Variants in DMXL1 observed in about 807,000 individuals in gnomAD.
DMXL1 encodes the protein dmX-like protein 1.
Under a neutral mutation model 319.2 loss-of-function variants are expected in DMXL1, and 99 were observed. That is an observed-to-expected ratio of 0.31 (90% CI 0.26 to 0.37). The LOEUF (loss-of-function observed/expected upper bound fraction) is 0.37, where lower values mean the gene tolerates loss of function less well. DMXL1 is among the 10% of genes least tolerant of loss of function. The pLI, the probability that DMXL1 is intolerant of heterozygous loss-of-function variation, is 1.00. For missense variants in DMXL1, 3,745 were observed against 3,595.6 expected, an observed-to-expected ratio of 1.04 and a Z score of -1.06; for synonymous variants, 1,385 against 1,235.2, an observed-to-expected ratio of 1.12 and a Z score of -2.54.
At chr5:119,193,088 A>G (rs993721499) in intron 29 of DMXL1, among the ~76,000 whole-genome samples, 4 of 151,860 alleles carry the variant, frequency 2.6e-5, no homozygotes, top group Admixed American at 6.6e-5. Flanking sequence ...CTCCATTTCT[A>G]CCCTTGCCGT....
intron 28 of DMXL1, 37 bp from the exon 29 acceptor site, chr5:119,189,671 A>G (rs1376036920): frequency 6.3e-7 from 1 of 1,592,884 alleles, no homozygotes; most frequent in Non-Finnish European, 8.6e-7. Flanking sequence ...TGCAATGAAA[A>G]TAGTACTTCA....
intron 39 of DMXL1, 113 bp downstream of exon 39, chr5:119,233,580 C>G: frequency 1.3e-6 from 1 of 774,354 alleles, no homozygotes; most frequent in South Asian, 1.8e-5. Context: ...AAGTATTGAT[C>G]TATATAGATG....
At chr5:119,122,257 C>T (rs1294782158) in intron 9 of DMXL1, among the ~76,000 whole-genome samples, 26 of 142,268 alleles carry the variant, frequency 1.8e-4, no homozygotes, top group Admixed American at 1.5e-3. Flanking sequence ...GCTGGCTGGG[C>T]GGGGGGCCGA....
At chr5:119,202,399 A>G (rs1336809893) in intron 32 of DMXL1, among the ~76,000 whole-genome samples, 2 of 152,114 alleles carry the variant, frequency 1.3e-5, no homozygotes, top group Admixed American at 6.5e-5. Context: ...AATCCTCTCA[A>G]TTGCATATTG....
chr5:119,146,540 T>G (rs1245894609), intron 15 of DMXL1, among the ~76,000 whole-genome samples: 1 of 152,014 alleles, frequency 6.6e-6, no homozygotes, highest in Non-Finnish European at 1.5e-5. Flanking sequence ...AGTTCCTATC[T>G]GTTTAGAAAT....
chr5:119,150,884 A>C (rs999308848), intron 18 of DMXL1, among the ~76,000 whole-genome samples: 1 of 151,778 alleles, frequency 6.6e-6, no homozygotes, highest in African/African-American at 2.4e-5. Context: ...TATCATAAAC[A>C]GCAAACTCTT....
intron 5 of DMXL1, among the ~76,000 whole-genome samples, chr5:119,112,836 A>G (rs1759958041): frequency 6.6e-6 from 1 of 152,132 alleles, no homozygotes; most frequent in South Asian, 2.1e-4. Context: ...GCATGCCTGT[A>G]ATCCCAGCTA....
chr5:119,212,968 C>T (rs1013215968), intron 34 of DMXL1, among the ~76,000 whole-genome samples: 1 of 152,076 alleles, frequency 6.6e-6, no homozygotes, highest in African/African-American at 2.4e-5. Context: ...AATTCCCAAA[C>T]CTTCTTAAAC....
At chr5:119,207,228 TGAA>T (rs1781898572) in intron 34 of DMXL1, among the ~76,000 whole-genome samples, 1 of 152,134 alleles carries the variant, frequency 6.6e-6, no homozygotes, top group African/African-American at 2.4e-5. Context: ...ATATCACTTC[TGAA>T]GTTAAAATTC....
chr5:119,153,613 T>C (rs1770326827), intron 19 of DMXL1, among the ~76,000 whole-genome samples: 2 of 152,246 alleles, frequency 1.3e-5, no homozygotes, highest in Admixed American at 1.3e-4. Flanking sequence ...TACCGTTTAT[T>C]CTCTGTTTCT....
At chr5:119,211,413 G>T (rs1782785681) in intron 34 of DMXL1, among the ~76,000 whole-genome samples, 1 of 152,114 alleles carries the variant, frequency 6.6e-6, no homozygotes, top group Non-Finnish European at 1.5e-5. Flanking sequence ...GGCAATTCAG[G>T]TTTATCTATT....
At chr5:119,137,252 G>A (rs1452757800) in intron 13 of DMXL1, among the ~76,000 whole-genome samples, 1 of 152,198 alleles carries the variant, frequency 6.6e-6, no homozygotes, top group Non-Finnish European at 1.5e-5. Flanking sequence ...CTTTGTTTTG[G>A]CCAGTTTCTT....
Position 119,197,754 on chromosome 5 carries a change from GAGC to G in DMXL1, c.7544_7546del (p.Glu2515_Leu2516delinsVal). 1 of 1,613,490 alleles carries G rather than the reference GAGC, an allele frequency of 6.2e-7. No individual in the cohort carries two copies. ...AATATGAGTCAATGTTCCCATTTTAGAGCTTCCAGTTAGTTCACCTCTTTGTCA... is the reference window on the plus strand; with the variant it reads ...AATATGAGTCAATGTTCCCATTTTAGTTCCAGTTAGTTCACCTCTTTGTCA... On this transcript the variant is annotated inframe_deletion and splice_region_variant, in exon 32 of 44. Coordinates refer to ENST00000539542, the MANE Select transcript of DMXL1 (RefSeq NM_001290321.3).
chr5:119,164,375 A>C (rs751885397), intron 19 of DMXL1, 132 bp from the exon 20 acceptor site: 4 of 799,636 alleles, frequency 5.0e-6, no homozygotes, highest in Non-Finnish European at 7.5e-6. Context: ...AAAAAAGCCC[A>C]TATTTCCAAT....
Position 119,133,542 on chromosome 5 carries a change from A to G in DMXL1, c.1618A>G (p.Asn540Asp), listed in dbSNP as rs1765380273. 6.2e-7 allele frequency: 1 copy of G among 1,613,010 alleles called. No homozygotes were observed. Among genetic ancestry groups the G allele is most frequent in the African/African-American group, 1.3e-5 (1 of 74,882 alleles). The change falls in exon 12 of 44, where the codon AAC (asparagine) becomes GAC (aspartate). Residue 540 changes from asparagine (N) to aspartate (D), a missense_variant. By Grantham distance (23) the Asn-to-Asp change is conservative. This residue lies in a region of DMXL1 where 2,096 missense variants were observed against 1,985.4 expected (regional missense o/e 1.06). Transcript: ENST00000539542. ...AGTAGCTTTCCCCACAGGTGATGCA[A>G]ACTCTCTCTGTAAAAGCATAATGAT... The part of the protein sequence containing the change: ...IPVAFPTGDA[N>D]SLCKSIMMYA...
chr5:119,224,332 A>G (rs1225232067), intron 37 of DMXL1, among the ~76,000 whole-genome samples: 3 of 152,062 alleles, frequency 2.0e-5, no homozygotes, highest in Non-Finnish European at 4.4e-5. Context: ...CATAGTTCCA[A>G]ACTGTTTTTA....
intron 32 of DMXL1, among the ~76,000 whole-genome samples, chr5:119,202,893 A>ATT (rs1781053952): frequency 1.4e-5 from 2 of 139,436 alleles, no homozygotes; most frequent in Admixed American, 7.1e-5. Context: ...TTTTATATAT[A>ATT]TATATATATA....
chr5:119,081,102 G>C (rs1056158996), intron 1 of DMXL1, among the ~76,000 whole-genome samples: 1 of 152,108 alleles, frequency 6.6e-6, no homozygotes, highest in Admixed American at 6.5e-5. Context: ...CCAAACAGCT[G>C]GCAAGGTAGG....
rs766173682 is a variant in DMXL1, at chr5:119,133,273, G to T, written c.1457G>T (p.Trp486Leu). The stretch of plus-strand genomic sequence containing the variant: ...CAGATTGAAGTACTTCTGTCTGAAT[G>T]GAGTAAAAATGCAGATATGCTATTT... ...DHQIEVLLSE[W>L]SKNADMLFSI... is the part of the protein sequence containing the mutation. The change falls in exon 11 of 44, where the codon TGG becomes TTG. Residue 486 changes from tryptophan to leucine, a missense_variant. Around this residue, in one of 4 missense-constraint regions of DMXL1, gnomAD observed 2,096 missense variants for 1,985.4 expected, o/e 1.06. Coordinates refer to ENST00000539542, the MANE Select transcript of DMXL1 (RefSeq NM_001290321.3). The T allele has an allele frequency of 1.2e-6, 2 of 1,614,108 alleles. No homozygotes were observed. Among genetic ancestry groups the T allele is most frequent in the East Asian group, 4.5e-5 (2 of 44,872 alleles).
Sources: gnomAD v4.1 joint callset for allele counts (sites outside exome capture counted in the v4.1 genomes callset) on GRCh38, gnomAD v4.1.1 for gene constraint, gnomAD v4.1.1 regional missense constraint, MANE v1.5 for transcripts, NCBI Gene and HGNC (gene_info 2026-07-23, HGNC 2026-07-21) for gene names.